Variants in HNF4A observed in about 807,000 individuals in gnomAD.
The protein encoded by HNF4A is hepatocyte nuclear factor 4 alpha, also known as hepatocyte nuclear factor 4-alpha.
HNF4A carries 15 observed loss-of-function variants against 52.4 expected under a neutral mutation model. The observed-to-expected ratio is 0.29, with a 90% CI of 0.19 to 0.44. The LOEUF (loss-of-function observed/expected upper bound fraction) is 0.44. Ranked by LOEUF, HNF4A falls within the 20% of genes least tolerant of loss-of-function variation. The pLI is 1.00. For missense variants in HNF4A, 479 were observed against 647.2 expected (o/e 0.74, Z 2.82); for synonymous variants, 280 against 264.4 (o/e 1.06, Z -0.57).
chr20:44,360,004 A>G (rs990271035), intron 1 of HNF4A, among the ~76,000 whole-genome samples: 1 of 152,118 alleles, frequency 6.6e-6, no homozygotes, highest in Non-Finnish European at 1.5e-5. Flanking sequence ...CCCTTTAACA[A>G]GTTTCCCTTG....
At chr20:44,411,633 C>T (rs188058379) in intron 3 of HNF4A, among the ~76,000 whole-genome samples, 168 of 152,316 alleles carry the variant, frequency 1.1e-3, no homozygotes, top group African/African-American at 3.9e-3. Flanking sequence ...GACTTCTGTT[C>T]TATCCACTGA....
At position 44,428,332 on chromosome 20, in the gene HNF4A, C is replaced by T. The variant is rs1435445900; in HGVS notation, c.1130-3C>T. The T allele has an allele frequency of 6.2e-7, 1 of 1,613,970 alleles. No homozygotes were observed. The highest frequency in any genetic ancestry group is 1.7e-5 in the Admixed American group (1 of 60,020). ...CATCCTGATCGACCTTCTCTACCTG[C>T]AGGGTCCCCCAGCGATGCACCCCAT... On this transcript the variant is annotated splice_polypyrimidine_tract_variant and splice_region_variant and intron_variant, in intron 8 of 9. Transcript: ENST00000316099.
intron 1 of HNF4A, among the ~76,000 whole-genome samples, chr20:44,405,098 TTGTGCGTAGC>T (rs1568721074): frequency 1.6e-3 from 137 of 84,328 alleles, no homozygotes; most frequent in African/African-American, 5.9e-3. Context: ...GTGTGTGTGC[TTGTGCGTAGC>T]GTGTGTGCGT....
At chr20:44,392,371 G>A (rs2063311557) in intron 1 of HNF4A, among the ~76,000 whole-genome samples, 2 of 152,110 alleles carry the variant, frequency 1.3e-5, no homozygotes, top group Non-Finnish European at 2.9e-5. Flanking sequence ...GGCTTTCCAG[G>A]TTCAAATTTG....
chr20:44,407,757 T>TG (rs2063522597), intron 3 of HNF4A, among the ~76,000 whole-genome samples: 4 of 145,846 alleles, frequency 2.7e-5, no homozygotes, highest in African/African-American at 7.7e-5. Flanking sequence ...AGCAGCCACG[T>TG]TGTGTGTGTG....
intron 1 of HNF4A, among the ~76,000 whole-genome samples, chr20:44,367,190 C>G (rs1417531528): frequency 1.3e-5 from 2 of 152,046 alleles, no homozygotes; most frequent in Non-Finnish European, 2.9e-5. Flanking sequence ...ACAAAATTAG[C>G]CAGGAGTGGT....
intron 1 of HNF4A, among the ~76,000 whole-genome samples, chr20:44,382,594 C>T (rs1208274094): frequency 6.6e-6 from 1 of 152,108 alleles, no homozygotes; most frequent in Non-Finnish European, 1.5e-5. Flanking sequence ...TTTAAGTATT[C>T]ATATTAAAAT....
At chr20:44,389,445 T>C (rs1445651029) in intron 1 of HNF4A, among the ~76,000 whole-genome samples, 1 of 152,220 alleles carries the variant, frequency 6.6e-6, no homozygotes, top group Non-Finnish European at 1.5e-5. Flanking sequence ...GACACGCTCA[T>C]ACTAACGAAG....
rs186064821 is a variant in HNF4A at position 44,369,949 on chromosome 20, C to T, written c.49+14096C>T. 3.9e-5 allele frequency among the ~76,000 whole-genome samples: 6 copies of T among 152,314 alleles called. No individual in the cohort carries two copies. In the East Asian group the frequency reaches 1.2e-3, roughly 29 times the overall value. ...TCTTTGACCAAAAGGCTCTCACAGG[C>T]TCTGACTCTTGTCTGATGGTCTCTC... On this transcript the variant is annotated intron_variant, in intron 1 of 9. Transcript: ENST00000316673.
intron 1 of HNF4A, among the ~76,000 whole-genome samples, chr20:44,366,533 A>C (rs1275846400): frequency 6.6e-6 from 1 of 152,174 alleles, no homozygotes; most frequent in Non-Finnish European, 1.5e-5. Flanking sequence ...AGGCAGGAGA[A>C]TCTCTTAAAC....
chr20:44,399,725 C>T (rs1033528804), upstream of HNF4A, among the ~76,000 whole-genome samples: 16 of 152,182 alleles, frequency 1.1e-4, no homozygotes, highest in Non-Finnish European at 8.8e-5. Flanking sequence ...TACCCTCATT[C>T]GTTCATTCAC....
intron 6 of HNF4A, among the ~76,000 whole-genome samples, chr20:44,418,991 G>T (rs1014413445): frequency 6.6e-6 from 1 of 152,056 alleles, no homozygotes; most frequent in African/African-American, 2.4e-5. Context: ...GACCAGGCTG[G>T]TCTCAAACTC....
chr20:44,399,877 C>T (rs2063387048), upstream of HNF4A, among the ~76,000 whole-genome samples: 1 of 152,214 alleles, frequency 6.6e-6, no homozygotes, highest in Non-Finnish European at 1.5e-5. Context: ...CTCTTGCTCA[C>T]AGGTGTCACC....
At chr20:44,428,118 T>A (rs1189147747) in intron 8 of HNF4A, among the ~76,000 whole-genome samples, 1 of 152,176 alleles carries the variant, frequency 6.6e-6, no homozygotes, top group African/African-American at 2.4e-5. Flanking sequence ...TCAACTCACT[T>A]TTGTTCTCTT....
chr20:44,394,568 C>T (rs2063335712), intron 1 of HNF4A, among the ~76,000 whole-genome samples: 1 of 152,208 alleles, frequency 6.6e-6, no homozygotes, highest in Admixed American at 6.5e-5. Context: ...AAGCTCAAAG[C>T]TGCCGCTTCC....
downstream of HNF4A, chr20:44,432,850 T>A (rs2063894701): frequency 6.6e-6 from 1 of 152,220 alleles, no homozygotes; most frequent in Non-Finnish European, 1.5e-5. Flanking sequence ...TTCTAAGTCC[T>A]TGGATAAGTA....
chr20:44,382,395 C>T lies in HNF4A; in HGVS notation c.50-23663C>T, dbSNP rs376576311. On this transcript the variant is annotated intron_variant, in intron 1 of 9. Coordinates refer to the HNF4A transcript ENST00000316673. ...CTGGGACTACAGGTGCGTACCACTA[C>T]GCAAGGCTAATTTTTGTATTTTTAG... Among the ~76,000 whole-genome samples the T allele has an allele frequency of 7.2e-5, 11 of 152,176 alleles. No individual in the cohort carries two copies. In the East Asian group the frequency reaches 1.4e-3, roughly 19 times the overall value.
In HNF4A at chr20:44,411,095, A is replaced by G. The variant is rs372985215; in HGVS notation, c.386-2599A>G. On this transcript the variant is annotated intron_variant, in intron 3 of 9. Coordinates refer to ENST00000316099, the MANE Select transcript of HNF4A (RefSeq NM_000457.6). Reference sequence around the variant, plus strand: ...GACACCTGCCTTGGCCTAAGCTGTCAGGCCCAGGACAAATATTCGGCTCCT... The same window carrying G: ...GACACCTGCCTTGGCCTAAGCTGTCGGGCCCAGGACAAATATTCGGCTCCT... 1.1e-4 allele frequency among the ~76,000 whole-genome samples: 17 copies of G among 152,314 alleles called. No individual in the cohort carries two copies. The East Asian group carries it at 2.7e-3, about 24-fold the overall frequency.
intron 1 of HNF4A, among the ~76,000 whole-genome samples, chr20:44,376,409 C>CT (rs1045403718): frequency 4.0e-4 from 61 of 152,054 alleles, no homozygotes; most frequent in African/African-American, 1.4e-3. Context: ...AGATGGTTGA[C>CT]TTTTTTTTAT....
Sources: allele counts gnomAD v4.1 joint callset (sites outside exome capture counted in the v4.1 genomes callset), GRCh38; gene constraint gnomAD v4.1.1; transcripts MANE v1.5; gene names NCBI Gene and HGNC (gene_info 2026-07-23, HGNC 2026-07-21).